Variants in ABCC6 observed in about 807,000 individuals in gnomAD.
ABCC6 encodes ATP binding cassette subfamily C member 6.
In ABCC6, 126 loss-of-function variants were observed where a neutral mutation model predicts 169.5. That is an observed-to-expected ratio of 0.74 (90% confidence interval 0.64 to 0.86). The LOEUF is 0.86. Ranked by LOEUF, ABCC6 falls within the 40% of genes least tolerant of loss-of-function variation. The pLI is 0.00. For synonymous variants in ABCC6, 752 were observed against 814.7 expected (o/e 0.92, Z 1.31); for missense variants, 1,733 against 1,927.2 (o/e 0.90, Z 1.89).
intron 17 of ABCC6, among the ~76,000 whole-genome samples, chr16:16,180,024 C>A (rs1242907673): frequency 6.6e-6 from 1 of 152,202 alleles, no homozygotes; most frequent in African/African-American, 2.4e-5. Flanking sequence ...GATCATCAGG[C>A]ATTAGATTCT....
At chr16:16,172,496 T>TGGGATGGATAAATGAGG (rs2047148430) in intron 21 of ABCC6, among the ~76,000 whole-genome samples, 3 of 117,062 alleles carry the variant, frequency 2.6e-5, no homozygotes, top group African/African-American at 6.8e-5. Flanking sequence ...GATAAATGGG[T>TGGGATGGATAAATGAGG]GGGTGGGATG....
At chr16:16,205,077 C>T (rs2048351531) in intron 7 of ABCC6, among the ~76,000 whole-genome samples, 1 of 152,056 alleles carries the variant, frequency 6.6e-6, no homozygotes, top group Non-Finnish European at 1.5e-5. Context: ...CTCAGGTGAT[C>T]CACCTGCCTC....
At chr16:16,187,527 C>T (rs2047688218) in intron 13 of ABCC6, among the ~76,000 whole-genome samples, 1 of 152,198 alleles carries the variant, frequency 6.6e-6, no homozygotes, top group Admixed American at 6.5e-5. Context: ...GGAACAATTT[C>T]AAATGTTGTC....
intron 22 of ABCC6, among the ~76,000 whole-genome samples, chr16:16,167,742 T>G (rs1436644365): frequency 6.6e-6 from 1 of 152,226 alleles, no homozygotes; most frequent in Non-Finnish European, 1.5e-5. Flanking sequence ...GTGCTGGGAT[T>G]ACAGGCATGA....
At chr16:16,160,605 C>T (rs1260253221) in intron 25 of ABCC6, among the ~76,000 whole-genome samples, 1 of 94,304 alleles carries the variant, frequency 1.1e-5, no homozygotes, top group Non-Finnish European at 2.0e-5. Context: ...CCAGGTTGGG[C>T]AACATGGTGA....
Position 16,177,527 on chromosome 16 carries a change from C to T in ABCC6, c.2515G>A (p.Glu839Lys). Residue 839 changes from glutamate (E) to lysine (K), a missense_variant, in exon 19 of 31, where the codon GAG becomes AAG. Coordinates refer to ENST00000205557, the MANE Select transcript of ABCC6 (RefSeq NM_001171.6). ...GAIAEMGSYQELLQRKGALMC... is the reference protein window; with the variant it reads ...GAIAEMGSYQKLLQRKGALMC... ...AGGGCCCCCTTCCTCTGCAGAAGCT[C>T]CTGGTAGGAACCCATCTCTGCGATG... 1 of 1,614,050 alleles carries T rather than the reference C, an allele frequency of 6.2e-7. No homozygotes were observed. Among genetic ancestry groups the T allele is most frequent in the Non-Finnish European group, 8.5e-7 (1 of 1,179,932 alleles).
chr16:16,199,159 C>A (rs2048156858), intron 9 of ABCC6, among the ~76,000 whole-genome samples: 1 of 149,192 alleles, frequency 6.7e-6, no homozygotes, highest in South Asian at 2.1e-4. Flanking sequence ...CAGAGCAAGA[C>A]CCTGTCTTTA....
At chr16:16,171,884 A>AGGTGGGATGGATAAATGAGTG (rs2047089002) in intron 21 of ABCC6, among the ~76,000 whole-genome samples, 1 of 70,674 alleles carries the variant, frequency 1.4e-5, no homozygotes, top group Non-Finnish European at 2.5e-5. Context: ...ATAAATGAGT[A>AGGTGGGATGGATAAATGAGTG]GGTGGGATGG....
chr16:16,194,196 T>C (rs1029503561), intron 10 of ABCC6, among the ~76,000 whole-genome samples: 10 of 152,220 alleles, frequency 6.6e-5, no homozygotes, highest in African/African-American at 2.4e-4. Flanking sequence ...GTCTGCAAAA[T>C]GGGAATAGAG....
rs760611511 is a variant in ABCC6 at position 16,150,741 on chromosome 16, G to A, written c.4240C>T (p.Arg1414Cys). 31 of 1,613,758 alleles carry A rather than the reference G, an allele frequency of 1.9e-5. No homozygotes were observed. Among genetic ancestry groups the A allele is most frequent in the East Asian group, 4.5e-5 (2 of 44,874 alleles). Reference sequence around the variant, plus strand: ...ATCTGGGTCTTCCGGAGAAGGGCACGTGCCAGACACAGGAGCTGTTTCTGG... The same window carrying A: ...ATCTGGGTCTTCCGGAGAAGGGCACATGCCAGACACAGGAGCTGTTTCTGG... Reference protein sequence around the residue: ...VGQKQLLCLARALLRKTQILI... With the variant: ...VGQKQLLCLACALLRKTQILI... The change falls in exon 30 of 31, where the codon CGT becomes TGT. Residue 1414 changes from arginine to cysteine, a missense_variant. This residue lies in a region of ABCC6 where 1,601 missense variants were observed against 1,635.5 expected (regional missense o/e 0.98). Transcript: ENST00000205557.
intron 10 of ABCC6, among the ~76,000 whole-genome samples, chr16:16,193,969 C>T (rs1441773327): frequency 1.3e-5 from 2 of 152,130 alleles, no homozygotes; most frequent in Non-Finnish European, 1.5e-5. Context: ...AAGGTGGGGT[C>T]CTTCAATGTC....
At chr16:16,150,302 T>TGAGA in intron 30 of ABCC6, 61 bp from the exon 31 acceptor site, 1 of 1,609,636 alleles carries the variant, frequency 6.2e-7, no homozygotes. Context: ...TCGGCAGCTG[T>TGAGA]GAGAGCCCAG....
chr16:16,169,384 G>T (rs1208595796), intron 22 of ABCC6, among the ~76,000 whole-genome samples: 4 of 152,204 alleles, frequency 2.6e-5, no homozygotes, highest in Non-Finnish European at 4.4e-5. Context: ...AAAGCCACCA[G>T]CAGGCAGGCC....
At chr16:16,169,995 G>A in intron 21 of ABCC6, 142 bp from the exon 22 acceptor site, 1 of 847,238 alleles carries the variant, frequency 1.2e-6, no homozygotes, top group Non-Finnish European at 1.9e-6. Context: ...CTCCCGCTGT[G>A]CCTCCCACCA....
At chr16:16,165,513 C>A in intron 23 of ABCC6, 110 bp downstream of exon 23, 1 of 1,162,538 alleles carries the variant, frequency 8.6e-7, no homozygotes. Context: ...TAGGAACAGC[C>A]CCTAGATGTC....
chr16:16,150,869 G>A, intron 29 of ABCC6, 97 bp from the exon 30 acceptor site: 2 of 1,544,370 alleles, frequency 1.3e-6, no homozygotes, highest in Non-Finnish European at 1.8e-6. Context: ...CAGTGCAGGA[G>A]TGAGGTGCCT....
chr16:16,150,026 C>A lies in ABCC6; in HGVS notation c.*107G>T. On this transcript the variant is annotated 3_prime_UTR_variant, in exon 31 of 31. Coordinates refer to ENST00000205557, the MANE Select transcript of ABCC6 (RefSeq NM_001171.6). Reference sequence around the variant, plus strand: ...TTCCTCCCAGAGAGCAAACACAGGTCTAGACTCAATATCGTGTGGAGCTAT... The same window carrying A: ...TTCCTCCCAGAGAGCAAACACAGGTATAGACTCAATATCGTGTGGAGCTAT... The A allele has an allele frequency of 6.6e-7, 1 of 1,509,086 alleles. No individual in the cohort carries two copies. The highest frequency in any genetic ancestry group is 9.0e-7 in the Non-Finnish European group (1 of 1,107,844). The allele number at this position is 1,509,086 out of a possible 1,614,324, so 93.5% of individuals were successfully genotyped here.
At position 16,182,022 on chromosome 16, in the gene ABCC6, A is replaced by G. The variant is rs2047491542; in HGVS notation, c.2247+390T>C. 1.6e-5 allele frequency: 5 copies of G among 315,182 alleles called. No individual in the cohort carries two copies. The South Asian group carries it at 1.6e-4, about 10-fold the overall frequency. The allele number at this position is 315,182 out of a possible 1,614,324, so 19.5% of individuals were successfully genotyped here. ...CAACCCCTGCCCAATCCATAGCTCC[A>G]GATGCATATATCCTGTTTCTTGGAC... is the stretch of plus-strand genomic sequence containing the variant. On this transcript the variant is annotated intron_variant, in intron 17 of 30. Transcript: ENST00000205557.
chr16:16,161,323 A>C, intron 25 of ABCC6, 115 bp downstream of exon 25: 1 of 1,486,210 alleles, frequency 6.7e-7, no homozygotes, highest in Non-Finnish European at 9.2e-7. Flanking sequence ...TGGTGGAGGG[A>C]CTCCACACAC....
Sources: allele counts gnomAD v4.1 joint callset (sites outside exome capture counted in the v4.1 genomes callset), GRCh38; gene constraint gnomAD v4.1.1; regional missense constraint gnomAD v4.1.1; transcripts MANE v1.5; gene names NCBI Gene and HGNC (gene_info 2026-07-23, HGNC 2026-07-21).